Variants in HECTD4 observed in about 807,000 individuals in gnomAD.
HECTD4 encodes the protein HECT domain E3 ubiquitin protein ligase 4.
HECTD4 carries 114 observed loss-of-function variants against 471.5 expected under a neutral mutation model. The ratio of observed to expected loss-of-function variants is 0.24; its 90% CI spans 0.21 to 0.28. HECTD4 has a LOEUF of 0.28. HECTD4 is among the 10% of genes least tolerant of loss of function. The pLI, the probability that HECTD4 is intolerant of heterozygous loss-of-function variation, is 1.00. For synonymous variants in HECTD4, 2,012 were observed against 2,256.0 expected (o/e 0.89, Z 3.07); for missense variants, 3,866 against 5,651.5 (o/e 0.68, Z 10.13).
intron 1 of HECTD4, among the ~76,000 whole-genome samples, chr12:112,346,234 C>A (rs2036147503): frequency 6.6e-6 from 1 of 152,176 alleles, no homozygotes; most frequent in Non-Finnish European, 1.5e-5. Flanking sequence ...AACCACATTA[C>A]CTGTGTTTCT....
rs1245089134 is a variant in HECTD4 at position 112,188,936 on chromosome 12, G to A, written c.9472+1850C>T. Among the ~76,000 whole-genome samples the A allele has an allele frequency of 1.3e-5, 2 of 152,206 alleles. No homozygotes were observed. The highest frequency in any genetic ancestry group is 4.8e-5 in the African/African-American group (2 of 41,444). ...TTTAGCATTCATGTAAGACGACCTT[G>A]GAGAGAATTCTTCACCAAAATTGCA... is the stretch of plus-strand genomic sequence containing the variant. On this transcript the variant is annotated intron_variant, in intron 60 of 75. Coordinates refer to ENST00000682272, the MANE Select transcript of HECTD4 (RefSeq NM_001388303.1). This position sits in a 1 kb window ranked among gnomAD's most constrained non-coding sequence, Gnocchi z 4.2.
intron 14 of HECTD4, 98 bp from the exon 15 acceptor site, chr12:112,266,081 G>A: frequency 3.8e-6 from 3 of 784,284 alleles, no homozygotes; most frequent in Non-Finnish European, 6.3e-6. Context: ...TTGTCGGCAA[G>A]CTAGGGGCAC....
At chr12:112,205,439 A>G (rs1326236680) in intron 52 of HECTD4, among the ~76,000 whole-genome samples, 3 of 152,188 alleles carry the variant, frequency 2.0e-5, no homozygotes, top group Non-Finnish European at 4.4e-5. Context: ...CTGTTGGTAG[A>G]TAGCAAAAAA....
chr12:112,234,382 G>A (rs2033452599), intron 37 of HECTD4, among the ~76,000 whole-genome samples: 1 of 152,180 alleles, frequency 6.6e-6, no homozygotes, highest in Admixed American at 6.5e-5. Context: ...GGTCCCATTA[G>A]TGTTTTCAGT....
At chr12:112,197,020 T>G (rs2032266288) in intron 55 of HECTD4, among the ~76,000 whole-genome samples, 3 of 152,068 alleles carry the variant, frequency 2.0e-5, no homozygotes, top group Admixed American at 2.0e-4. Context: ...GGTCTCGAAC[T>G]CCTCACCTCA....
chr12:112,209,007 C>T (rs540031224), intron 50 of HECTD4, among the ~76,000 whole-genome samples: 2 of 145,322 alleles, frequency 1.4e-5, no homozygotes, highest in East Asian at 2.3e-4. Flanking sequence ...CTCCAGCGAT[C>T]CTCCCACCTC....
At position 112,163,358 on chromosome 12, in the gene HECTD4, G is replaced by A. The variant is rs749457917; in HGVS notation, c.12898-94C>T. The A allele has an allele frequency of 3.2e-6, 4 of 1,241,154 alleles. No homozygotes were observed. The highest frequency in any genetic ancestry group is 3.4e-6 in the Non-Finnish European group (3 of 891,396). The allele number at this position is 1,241,154 out of a possible 1,614,324, so 76.9% of individuals were successfully genotyped here. A position where few individuals can be genotyped will look rare whatever the true frequency, so the allele number is the denominator to read the frequency against. ...GGTCTGCAGGCCAGGCCCAATCCTGGGGCAGGGTGCAACGTGTGGGCTGTG... is the reference window on the plus strand; with the variant it reads ...GGTCTGCAGGCCAGGCCCAATCCTGAGGCAGGGTGCAACGTGTGGGCTGTG... On this transcript the variant is annotated intron_variant, in intron 74 of 75. Coordinates refer to ENST00000682272, the MANE Select transcript of HECTD4 (RefSeq NM_001388303.1). This position sits in a 1 kb window ranked among gnomAD's most constrained non-coding sequence, Gnocchi z 8.2.
intron 70 of HECTD4, among the ~76,000 whole-genome samples, chr12:112,168,956 G>C (rs367590242): frequency 2.1e-4 from 32 of 152,344 alleles, no homozygotes; most frequent in African/African-American, 7.5e-4. Flanking sequence ...CAGAGGAAAG[G>C]GGAGAAGGAG....
At chr12:112,325,812 CG>C (rs2035730525) in intron 1 of HECTD4, among the ~76,000 whole-genome samples, 1 of 149,622 alleles carries the variant, frequency 6.7e-6, no homozygotes, top group Non-Finnish European at 1.5e-5. Flanking sequence ...GTTTTGTTGC[CG>C]TTTTTTTTTT....
At chr12:112,180,610 C>T (rs138410561) in intron 62 of HECTD4, among the ~76,000 whole-genome samples, 40 of 151,676 alleles carry the variant, frequency 2.6e-4, no homozygotes, top group East Asian at 1.7e-3. Context: ...TGAGGCAGAT[C>T]CATGCAGTAC....
intron 11 of HECTD4, among the ~76,000 whole-genome samples, chr12:112,270,985 C>T (rs2034401168): frequency 6.6e-6 from 1 of 152,152 alleles, no homozygotes; most frequent in African/African-American, 2.4e-5. Context: ...CGTTAGATAA[C>T]CAAGTGGAAG....
chr12:112,308,932 T>C (rs1186396349), intron 5 of HECTD4, 41 bp from the exon 6 acceptor site: 1 of 1,521,700 alleles, frequency 6.6e-7, no homozygotes, highest in Admixed American at 2.1e-5. Context: ...CACCTGGCTA[T>C]GTCAGAAACC....
rs544745123 is a variant in HECTD4, at chr12:112,165,154, C to T, written c.12535-879G>A. Reference sequence around the variant, plus strand: ...CAGGCTGGTCTTGAACTCCTGACCTCGTGATCTACCCGCCTCAGCCTCCCA... The same window carrying T: ...CAGGCTGGTCTTGAACTCCTGACCTTGTGATCTACCCGCCTCAGCCTCCCA... On this transcript the variant is annotated intron_variant, in intron 72 of 75. Coordinates refer to ENST00000682272, the MANE Select transcript of HECTD4 (RefSeq NM_001388303.1). 1.5e-3 allele frequency among the ~76,000 whole-genome samples: 216 copies of T among 148,924 alleles called. No homozygotes were observed. The Middle Eastern group carries it at 0.015, about 10-fold the overall frequency.
At position 112,160,239 on chromosome 12, in the gene HECTD4, A is replaced by T. The variant is rs1264127231; in HGVS notation, c.*2148T>A. On this transcript the variant is annotated 3_prime_UTR_variant, in exon 76 of 76. Coordinates refer to ENST00000682272, the MANE Select transcript of HECTD4 (RefSeq NM_001388303.1). Reference sequence around the variant, plus strand: ...TTCCTAGCCACTTGGCAGCACTTAAATATCAGAGCCATCCAAGCATGCCAG... The same window carrying T: ...TTCCTAGCCACTTGGCAGCACTTAATTATCAGAGCCATCCAAGCATGCCAG... 6.6e-6 allele frequency: 1 copy of T among 152,210 alleles called. No individual in the cohort carries two copies. Among genetic ancestry groups the T allele is most frequent in the Non-Finnish European group, 1.5e-5 (1 of 68,032 alleles). The allele number at this position is 152,210 out of a possible 1,614,324, so 9.4% of individuals were successfully genotyped here.
chr12:112,191,615 A>C (rs1424636133), intron 59 of HECTD4, among the ~76,000 whole-genome samples: 1 of 152,164 alleles, frequency 6.6e-6, no homozygotes, highest in African/African-American at 2.4e-5. Flanking sequence ...TCAGAAGCAA[A>C]CCATATTGGC....
At chr12:112,200,570 A>G (rs887919946) in intron 55 of HECTD4, 68 bp downstream of exon 55, 6 of 1,502,670 alleles carry the variant, frequency 4.0e-6, no homozygotes, top group East Asian at 4.6e-5. Flanking sequence ...TAAATGGTAC[A>G]TGGTACATGT....
intron 1 of HECTD4, among the ~76,000 whole-genome samples, chr12:112,353,981 G>A (rs1412867429): frequency 6.6e-6 from 1 of 152,124 alleles, no homozygotes; most frequent in Non-Finnish European, 1.5e-5. Context: ...GCAGATGTAG[G>A]ACAGTCACTT....
At chr12:112,165,255 G>A (rs1304629369) in intron 72 of HECTD4, among the ~76,000 whole-genome samples, 1 of 150,666 alleles carries the variant, frequency 6.6e-6, no homozygotes, top group African/African-American at 2.4e-5. Context: ...TGGATCAGAG[G>A]CCTGAGACCA....
intron 16 of HECTD4, among the ~76,000 whole-genome samples, chr12:112,264,515 C>T (rs1234949864): frequency 6.6e-6 from 1 of 152,114 alleles, no homozygotes; most frequent in African/African-American, 2.4e-5. Context: ...TAGAAGAATA[C>T]TCAAACCCTT....
Sources: gnomAD v4.1 joint callset for allele counts (sites outside exome capture counted in the v4.1 genomes callset) on GRCh38, gnomAD v4.1.1 for gene constraint, Gnocchi (gnomAD v3.1) non-coding constraint, MANE v1.5 for transcripts, NCBI Gene and HGNC (gene_info 2026-07-23, HGNC 2026-07-21) for gene names.